SEMA5A: variants seen among roughly 807,000 people sequenced by gnomAD.
SEMA5A encodes semaphorin 5A.
SEMA5A carries 55 observed loss-of-function variants against 135.5 expected under a neutral mutation model. The observed-to-expected ratio is 0.41, with a 90% confidence interval of 0.33 to 0.51. SEMA5A has a LOEUF of 0.51. Ranked by LOEUF, SEMA5A falls within the 20% of genes least tolerant of loss-of-function variation. The pLI, the probability that SEMA5A is intolerant of heterozygous loss-of-function variation, is 0.37. For synonymous variants in SEMA5A, 580 were observed against 546.5 expected, an observed-to-expected ratio of 1.06 and a Z score of -0.85; for missense variants, 1,290 against 1,419.9, an observed-to-expected ratio of 0.91 and a Z score of 1.47.
chr5:9,104,311 A>G (rs1265286599), intron 16 of SEMA5A, among the ~76,000 whole-genome samples: 1 of 152,230 alleles, frequency 6.6e-6, no homozygotes, highest in African/African-American at 2.4e-5. Context: ...GGCATGTAGT[A>G]GGCACTCAAC....
At chr5:9,153,316 A>G (rs926435230) in intron 12 of SEMA5A, among the ~76,000 whole-genome samples, 3 of 152,250 alleles carry the variant, frequency 2.0e-5, no homozygotes, top group African/African-American at 7.2e-5. Context: ...ATCTTTTGTC[A>G]GGGATCAGAG....
At chr5:9,192,324 T>C (rs1023391804) in intron 10 of SEMA5A, among the ~76,000 whole-genome samples, 2 of 152,266 alleles carry the variant, frequency 1.3e-5, no homozygotes, top group Non-Finnish European at 2.9e-5. Context: ...TTCTCAGGGC[T>C]ACTGTGAGAC....
chr5:9,492,110 C>A (rs955272256), intron 1 of SEMA5A, among the ~76,000 whole-genome samples: 1 of 152,138 alleles, frequency 6.6e-6, no homozygotes, highest in Non-Finnish European at 1.5e-5. Flanking sequence ...AACTGCGGAC[C>A]CATCAACAAA....
At chr5:9,294,686 C>T (rs1751247572) in intron 5 of SEMA5A, among the ~76,000 whole-genome samples, 1 of 152,130 alleles carries the variant, frequency 6.6e-6, no homozygotes, top group African/African-American at 2.4e-5. Flanking sequence ...TAAACACTTC[C>T]CCCATGGAGA....
At chr5:9,343,445 C>A (rs1561167011) in intron 3 of SEMA5A, among the ~76,000 whole-genome samples, 1 of 152,076 alleles carries the variant, frequency 6.6e-6, no homozygotes, top group Non-Finnish European at 1.5e-5. Context: ...AAGATGGGAA[C>A]CTTCTGTGAG....
chr5:9,360,681 C>G (rs1434489663), intron 3 of SEMA5A, among the ~76,000 whole-genome samples: 1 of 152,198 alleles, frequency 6.6e-6, no homozygotes, highest in Non-Finnish European at 1.5e-5. Flanking sequence ...GGCTGAGCAA[C>G]ACAGTGGGTA....
At chr5:9,499,442 A>G (rs1376178929) in intron 1 of SEMA5A, among the ~76,000 whole-genome samples, 1 of 152,232 alleles carries the variant, frequency 6.6e-6, no homozygotes, top group Non-Finnish European at 1.5e-5. Flanking sequence ...GTTACAAAGC[A>G]GCCTAGCTTC....
At chr5:9,455,325 T>G (rs930031105) in intron 1 of SEMA5A, among the ~76,000 whole-genome samples, 1 of 151,934 alleles carries the variant, frequency 6.6e-6, no homozygotes, top group Non-Finnish European at 1.5e-5. Context: ...GCCTGATCTC[T>G]GCTCACTGTA....
At chr5:9,477,271 T>C (rs1022378580) in intron 1 of SEMA5A, among the ~76,000 whole-genome samples, 18 of 152,218 alleles carry the variant, frequency 1.2e-4, no homozygotes, top group African/African-American at 4.3e-4. Flanking sequence ...CAGATAGTTC[T>C]TTATAGCAGT....
chr5:9,345,327 T>C (rs1753812922), intron 3 of SEMA5A, among the ~76,000 whole-genome samples: 2 of 152,166 alleles, frequency 1.3e-5, no homozygotes, highest in South Asian at 2.1e-4. Flanking sequence ...GAAAGTCACA[T>C]GGGAGTCCCT....
chr5:9,191,096 C>A (rs1019306163), intron 10 of SEMA5A, among the ~76,000 whole-genome samples: 6 of 151,412 alleles, frequency 4.0e-5, no homozygotes, highest in Non-Finnish European at 7.4e-5. Context: ...AAGAACATGG[C>A]AAATTTATAA....
intron 1 of SEMA5A, among the ~76,000 whole-genome samples, chr5:9,442,599 CA>C (rs1394390555): frequency 6.6e-6 from 1 of 152,160 alleles, no homozygotes; most frequent in Non-Finnish European, 1.5e-5. Context: ...CAAACAGGGT[CA>C]GGGGGCCCCA....
chr5:9,428,450 A>G (rs536161579), intron 2 of SEMA5A, among the ~76,000 whole-genome samples: 10 of 152,316 alleles, frequency 6.6e-5, no homozygotes, highest in African/African-American at 2.2e-4. Flanking sequence ...GCCAGGAAGG[A>G]AGTGATACCG....
intron 1 of SEMA5A, among the ~76,000 whole-genome samples, chr5:9,487,710 T>G (rs1561292218): frequency 6.6e-6 from 1 of 152,156 alleles, no homozygotes; most frequent in Non-Finnish European, 1.5e-5. Flanking sequence ...ACTCCAGTCT[T>G]TTTTTATATT....
chr5:9,355,774 T>C (rs1421250973), intron 3 of SEMA5A, among the ~76,000 whole-genome samples: 1 of 151,980 alleles, frequency 6.6e-6, no homozygotes, highest in African/African-American at 2.4e-5. Flanking sequence ...GAGAAGAAAA[T>C]GGCCACTCAT....
At chr5:9,460,182 T>C (rs1315024578) in intron 1 of SEMA5A, among the ~76,000 whole-genome samples, 1 of 152,194 alleles carries the variant, frequency 6.6e-6, no homozygotes, top group Admixed American at 6.5e-5. Context: ...ATTCTGATTT[T>C]ATCAATAATA....
At chr5:9,073,424 C>T (rs1451876840) in intron 16 of SEMA5A, among the ~76,000 whole-genome samples, 4 of 152,090 alleles carry the variant, frequency 2.6e-5, no homozygotes, top group Non-Finnish European at 4.4e-5. Context: ...TATAAGAACT[C>T]TCAATCAACT....
At chr5:9,399,047 CCT>C (rs1756531076) in intron 2 of SEMA5A, among the ~76,000 whole-genome samples, 1 of 152,150 alleles carries the variant, frequency 6.6e-6, no homozygotes, top group African/African-American at 2.4e-5. Flanking sequence ...AAGATAGTTA[CCT>C]CTCTATAAAA....
intron 5 of SEMA5A, among the ~76,000 whole-genome samples, chr5:9,281,095 TGA>T (rs1241826294): frequency 6.6e-6 from 1 of 152,184 alleles, no homozygotes; most frequent in Non-Finnish European, 1.5e-5. Context: ...TGAATTAAGA[TGA>T]GTTATCAGAA....
Sources: allele counts gnomAD v4.1 joint callset (sites outside exome capture counted in the v4.1 genomes callset), GRCh38; gene constraint gnomAD v4.1.1; transcripts MANE v1.5; gene names NCBI Gene and HGNC (gene_info 2026-07-23, HGNC 2026-07-21).